FRMPD4: variants seen among roughly 807,000 people sequenced by gnomAD.
FRMPD4 encodes the protein FERM and PDZ domain-containing protein 4.
A neutral mutation model predicts 94.1 loss-of-function variants in FRMPD4; 22 were observed. That is an observed-to-expected ratio of 0.23 (90% CI 0.17 to 0.33). The LOEUF is 0.33. Ranked by LOEUF, FRMPD4 falls within the 10% of genes least tolerant of loss-of-function variation. The pLI, the probability that FRMPD4 is intolerant of heterozygous loss-of-function variation, is 1.00. For synonymous variants in FRMPD4, 631 were observed against 548.6 expected, an observed-to-expected ratio of 1.15 and a Z score of -2.10; for missense variants, 1,111 against 1,339.9, an observed-to-expected ratio of 0.83 and a Z score of 2.67.
At chrX:11,853,332 AAG>A (rs904000414) in intron 1 of FRMPD4, among the ~76,000 whole-genome samples, 5 of 111,900 alleles carry the variant, frequency 4.5e-5, no homozygotes, top group Non-Finnish European at 9.4e-5. Flanking sequence ...TCACAACTAA[AAG>A]AACTACAGAA....
intron 1 of FRMPD4, among the ~76,000 whole-genome samples, chrX:12,165,829 A>G (rs1412841552): frequency 9.0e-6 from 1 of 110,736 alleles, no homozygotes; most frequent in Non-Finnish European, 1.9e-5. Flanking sequence ...ATGGGAGTTC[A>G]CTCATGATTT....
chrX:12,402,599 C>T (rs2056621964), intron 1 of FRMPD4, among the ~76,000 whole-genome samples: 1 of 112,283 alleles, frequency 8.9e-6, no homozygotes, highest in South Asian at 3.7e-4. Flanking sequence ...TCAAGGTCCA[C>T]CACTGCTATT....
chrX:11,932,176 A>G (rs1277638113), intron 3 of FRMPD4, among the ~76,000 whole-genome samples: 1 of 112,235 alleles, frequency 8.9e-6, no homozygotes, highest in Non-Finnish European at 1.9e-5. Flanking sequence ...AGAAATATTG[A>G]TGATATTTCA....
At chrX:12,556,070 TG>T (rs1255705595) in intron 2 of FRMPD4, among the ~76,000 whole-genome samples, 1 of 110,335 alleles carries the variant, frequency 9.1e-6, no homozygotes, top group Non-Finnish European at 1.9e-5. Context: ...GCACTGTGCC[TG>T]GCTTGAATTA....
At chrX:11,905,959 A>G (rs2053964802) in intron 3 of FRMPD4, among the ~76,000 whole-genome samples, 1 of 110,702 alleles carries the variant, frequency 9.0e-6, no homozygotes, top group Non-Finnish European at 1.9e-5. Flanking sequence ...GTATAATTCT[A>G]TTACAGCCAC....
intron 3 of FRMPD4, among the ~76,000 whole-genome samples, chrX:12,129,391 AT>A (rs1253912179): frequency 9.0e-6 from 1 of 111,403 alleles, no homozygotes; most frequent in Non-Finnish European, 1.9e-5. Flanking sequence ...GCTCATGAGA[AT>A]TCACTATCAC....
At chrX:12,418,013 C>A (rs866057714) in intron 1 of FRMPD4, among the ~76,000 whole-genome samples, 3,569 of 94,970 alleles carry the variant, frequency 0.038, 85 homozygotes, top group Non-Finnish European at 0.057. Context: ...AAAAAAAAAA[C>A]AAACAACAAC....
At chrX:12,565,826 C>T (rs893198725) in intron 2 of FRMPD4, among the ~76,000 whole-genome samples, 9 of 111,771 alleles carry the variant, frequency 8.1e-5, no homozygotes, top group African/African-American at 1.6e-4. Context: ...ATGGGGGAAA[C>T]GGGGTAAGGG....
chrX:12,283,311 G>T (rs2054553449), intron 1 of FRMPD4, among the ~76,000 whole-genome samples: 1 of 113,029 alleles, frequency 8.8e-6, no homozygotes, highest in Non-Finnish European at 1.9e-5. Context: ...TAGTTACATT[G>T]TTATTTCTAA....
intron 3 of FRMPD4, among the ~76,000 whole-genome samples, 170 bp from the exon 4 acceptor site, chrX:12,614,609 G>A (rs1427787536): frequency 1.8e-5 from 2 of 111,872 alleles, no homozygotes; most frequent in Non-Finnish European, 3.8e-5. Flanking sequence ...TGATTTAACT[G>A]GTCAGGGTAA....
intron 3 of FRMPD4, among the ~76,000 whole-genome samples, chrX:11,964,986 C>T (rs967143479): frequency 8.9e-6 from 1 of 112,811 alleles, no homozygotes; most frequent in African/African-American, 3.2e-5. Flanking sequence ...CTTTCTCACA[C>T]TACCATTTCT....
At chrX:11,916,577 C>T (rs1379676144) in intron 3 of FRMPD4, among the ~76,000 whole-genome samples, 3 of 111,078 alleles carry the variant, frequency 2.7e-5, no homozygotes, top group Non-Finnish European at 5.7e-5. Flanking sequence ...GTGGAGACTT[C>T]AGGAGAAGGG....
intron 2 of FRMPD4, among the ~76,000 whole-genome samples, chrX:12,527,835 T>C (rs1413814281): frequency 8.9e-6 from 1 of 112,372 alleles, no homozygotes; most frequent in Non-Finnish European, 1.9e-5. Flanking sequence ...TTTCCTAAGA[T>C]GTTAGACAGA....
chrX:12,705,742 G>T (rs1272961261), intron 11 of FRMPD4, among the ~76,000 whole-genome samples: 2 of 109,890 alleles, frequency 1.8e-5, no homozygotes, highest in Admixed American at 2.0e-4. Context: ...TTCAAGCCTG[G>T]CCCACTCGTA....
chrX:12,024,975 C>A (rs1451287325), intron 3 of FRMPD4, among the ~76,000 whole-genome samples: 5 of 111,768 alleles, frequency 4.5e-5, no homozygotes, highest in Non-Finnish European at 7.5e-5. Context: ...ATTTAAAAAA[C>A]AATAATGTCA....
intron 9 of FRMPD4, among the ~76,000 whole-genome samples, chrX:12,701,631 G>A (rs1281475849): frequency 8.9e-6 from 1 of 112,202 alleles, no homozygotes; most frequent in Non-Finnish European, 1.9e-5. Context: ...TTTACAAAAA[G>A]CTAAATATTT....
chrX:11,849,336 C>G (rs777664971), intron 1 of FRMPD4, among the ~76,000 whole-genome samples: 1 of 111,433 alleles, frequency 9.0e-6, no homozygotes, highest in Non-Finnish European at 1.9e-5. Flanking sequence ...ATTAAGATGT[C>G]AATACTACCC....
intron 1 of FRMPD4, among the ~76,000 whole-genome samples, chrX:12,173,916 A>G (rs770427872): frequency 9.0e-6 from 1 of 111,355 alleles, no homozygotes; most frequent in South Asian, 3.9e-4. Flanking sequence ...GGCTGAGAGC[A>G]GGCATCCAGG....
chrX:12,229,051 T>G (rs748791344), intron 1 of FRMPD4, among the ~76,000 whole-genome samples: 4 of 112,453 alleles, frequency 3.6e-5, no homozygotes, highest in African/African-American at 1.3e-4. Context: ...ACGTGAAAGC[T>G]TCTCCTTTTG....
Sources: gnomAD v4.1 joint callset for allele counts (sites outside exome capture counted in the v4.1 genomes callset) on GRCh38, gnomAD v4.1.1 for gene constraint, MANE v1.5 for transcripts, NCBI Gene and HGNC (gene_info 2026-07-23, HGNC 2026-07-21) for gene names.